The following ERG variants were observed in gnomAD, a reference collection of about 807,000 sequenced individuals.
ERG encodes the protein ETS transcription factor ERG.
Under a neutral mutation model 55.3 loss-of-function variants are expected in ERG, and 9 were observed. The observed-to-expected ratio is 0.16, with a 90% CI of 0.10 to 0.28. The LOEUF is 0.28. Ranked by LOEUF, ERG falls within the 10% of genes least tolerant of loss-of-function variation. The pLI, the probability that ERG is intolerant of heterozygous loss-of-function variation, is 1.00. For missense variants in ERG, 434 were observed against 631.6 expected, an observed-to-expected ratio of 0.69 and a Z score of 3.35; for synonymous variants, 223 against 237.3, an observed-to-expected ratio of 0.94 and a Z score of 0.55.
At chr21:38,597,535 A>ATCTACATC (rs1352064823) in intron 1 of ERG, among the ~76,000 whole-genome samples, 4 of 152,026 alleles carry the variant, frequency 2.6e-5, no homozygotes, top group African/African-American at 9.7e-5. Flanking sequence ...AGAAAGATCT[A>ATCTACATC]TCTACATCCA....
chr21:38,453,815 G>T (rs567149569), intron 1 of ERG, among the ~76,000 whole-genome samples: 2 of 151,086 alleles, frequency 1.3e-5, no homozygotes, highest in Non-Finnish European at 1.5e-5. Flanking sequence ...ACCCGGGAGG[G>T]GGAGGCTGCA....
At chr21:38,387,465 A>G (rs1290997459) in intron 9 of ERG, among the ~76,000 whole-genome samples, 1 of 152,204 alleles carries the variant, frequency 6.6e-6, no homozygotes, top group African/African-American at 2.4e-5. Flanking sequence ...GCTTCAGCTG[A>G]ATCCTGCCTC....
chr21:38,654,710 T>C (rs1015728221), intron 1 of ERG, among the ~76,000 whole-genome samples: 3 of 152,242 alleles, frequency 2.0e-5, no homozygotes, highest in African/African-American at 4.8e-5. Context: ...CGGGGTCAAA[T>C]AGACTAGAAA....
intron 3 of ERG, among the ~76,000 whole-genome samples, chr21:38,419,542 C>T (rs1172432476): frequency 2.0e-5 from 3 of 151,670 alleles, no homozygotes; most frequent in African/African-American, 4.9e-5. Context: ...TGCGTGTAAA[C>T]CTCACTCCTG....
chr21:38,390,030 A>G (rs928368803), intron 9 of ERG, among the ~76,000 whole-genome samples: 1 of 152,216 alleles, frequency 6.6e-6, no homozygotes, highest in South Asian at 2.1e-4. Context: ...GGAAATACAC[A>G]TTCCATCTTG....
intron 1 of ERG, among the ~76,000 whole-genome samples, chr21:38,488,887 G>A (rs551050741): frequency 6.6e-5 from 10 of 152,324 alleles, no homozygotes; most frequent in Admixed American, 5.9e-4. Context: ...AGATGACACC[G>A]AGGATGAGAA....
intron 2 of ERG, among the ~76,000 whole-genome samples, chr21:38,437,498 G>A (rs1360657368): frequency 6.6e-6 from 1 of 152,170 alleles, no homozygotes; most frequent in East Asian, 1.9e-4. Flanking sequence ...CTGGGCTAAT[G>A]AATTAAGATC....
chr21:38,398,012 C>A (rs1988311779), intron 6 of ERG, among the ~76,000 whole-genome samples: 1 of 152,158 alleles, frequency 6.6e-6, no homozygotes, highest in South Asian at 2.1e-4. Context: ...CATGGCACAG[C>A]AAACCAAGAG....
intron 2 of ERG, among the ~76,000 whole-genome samples, chr21:38,524,141 T>G (rs1210837055): frequency 6.6e-6 from 1 of 152,176 alleles, no homozygotes; most frequent in Non-Finnish European, 1.5e-5. Flanking sequence ...AAACCCAAGC[T>G]AGACAGTGAC....
the ERG span, chr21:38,367,496 AGGGC>A: frequency 8.0e-5 from 33 of 412,906 alleles, no homozygotes; most frequent in Non-Finnish European, 1.3e-4. Context: ...ACTTCTCTGT[AGGGC>A]TGCAAGTCTT....
At chr21:38,607,168 C>T (rs2060201178) in intron 1 of ERG, among the ~76,000 whole-genome samples, 1 of 152,010 alleles carries the variant, frequency 6.6e-6, no homozygotes, top group Admixed American at 6.6e-5. Context: ...TAACTGGCAA[C>T]CTAAAATTCT....
chr21:38,436,991 G>A (rs150048277), intron 2 of ERG, among the ~76,000 whole-genome samples: 2,833 of 151,114 alleles, frequency 0.019, 58 homozygotes, highest in Non-Finnish European at 0.024. Flanking sequence ...AGGTTCAAGT[G>A]ATTCTCCTGT....
At chr21:38,527,750 C>A (rs1379786214) in intron 2 of ERG, among the ~76,000 whole-genome samples, 1 of 152,202 alleles carries the variant, frequency 6.6e-6, no homozygotes, top group Non-Finnish European at 1.5e-5. Flanking sequence ...GCTTTGAAGC[C>A]AGAGGTTACT....
chr21:38,521,174 G>A (rs2059591695), intron 2 of ERG, among the ~76,000 whole-genome samples: 1 of 152,066 alleles, frequency 6.6e-6, no homozygotes, highest in South Asian at 2.1e-4. Context: ...AGAGATTCAT[G>A]GACACAACTT....
At chr21:38,476,211 T>C (rs554833739) in intron 1 of ERG, among the ~76,000 whole-genome samples, 31 of 151,950 alleles carry the variant, frequency 2.0e-4, no homozygotes, top group African/African-American at 7.2e-4. Flanking sequence ...AATCTGAACG[T>C]AGTACGTTAA....
chr21:38,548,970 A>G (rs111832338), intron 2 of ERG, among the ~76,000 whole-genome samples: 30,158 of 150,826 alleles, frequency 0.2, 3,418 homozygotes, highest in East Asian at 0.33. Flanking sequence ...AAAATTAGCC[A>G]GGCATGGTGG....
intron 2 of ERG, among the ~76,000 whole-genome samples, chr21:38,543,036 T>A (rs944095237): frequency 2.6e-5 from 4 of 152,212 alleles, no homozygotes; most frequent in Admixed American, 6.5e-5. Context: ...GCCCTACAGA[T>A]GGGTGGCCCA....
chr21:38,565,629 T>C (rs1471347208), intron 2 of ERG, among the ~76,000 whole-genome samples: 1 of 152,210 alleles, frequency 6.6e-6, no homozygotes, highest in African/African-American at 2.4e-5. Context: ...CGTGTGATCA[T>C]ACGGCTCATG....
At chr21:38,385,946 G>A (rs905394078) in intron 9 of ERG, among the ~76,000 whole-genome samples, 11 of 152,094 alleles carry the variant, frequency 7.2e-5, no homozygotes, top group Non-Finnish European at 1.2e-4. Context: ...AATATTCAGC[G>A]TCAACTTTCT....
Sources: allele counts gnomAD v4.1 joint callset (sites outside exome capture counted in the v4.1 genomes callset), GRCh38; gene constraint gnomAD v4.1.1; transcripts MANE v1.5; gene names NCBI Gene and HGNC (gene_info 2026-07-23, HGNC 2026-07-21).